The following FAAH2 variants were observed in gnomAD, a reference collection of about 807,000 sequenced individuals.
FAAH2 encodes fatty acid amide hydrolase 2.
In FAAH2, 60 loss-of-function variants were observed where a neutral mutation model predicts 36.9. That is an observed-to-expected ratio of 1.63 (90% CI 1.32 to 2.02). The LOEUF (loss-of-function observed/expected upper bound fraction) is 2.02. Among genes scored for constraint, FAAH2 ranks in the 30% most tolerant of loss-of-function variants. The pLI is 0.00. For synonymous variants in FAAH2, 214 were observed against 143.8 expected (o/e 1.49, Z -3.49); for missense variants, 689 against 397.5 (o/e 1.73, Z -6.23).
intron 3 of FAAH2, among the ~76,000 whole-genome samples, chrX:57,322,692 A>G (rs188319428): frequency 7.8e-4 from 87 of 111,508 alleles, no homozygotes; most frequent in African/African-American, 2.8e-3. Context: ...AGTTTTGTTC[A>G]TTAAAAAATT....
chrX:57,204,770 A>G, the FAAH2 span, among the ~76,000 whole-genome samples: 1 of 112,261 alleles, frequency 8.9e-6, no homozygotes, highest in Non-Finnish European at 1.9e-5. Context: ...GCTAGATTCA[A>G]TTGCATATGG....
the FAAH2 span, among the ~76,000 whole-genome samples, chrX:57,158,118 G>A: frequency 7.2e-5 from 8 of 111,307 alleles, no homozygotes; most frequent in East Asian, 2.0e-3. Context: ...CTGTCCCTGC[G>A]ATAGTTTGCT....
chrX:57,123,271 C>T, the FAAH2 span, among the ~76,000 whole-genome samples: 448 of 111,354 alleles, frequency 4.0e-3, 3 homozygotes, highest in African/African-American at 0.014. Flanking sequence ...TTTGTCCTTG[C>T]GATAGTTTGC....
intron 7 of FAAH2, 61 bp from the exon 8 acceptor site, chrX:57,431,857 T>C (rs1168994342): frequency 8.4e-6 from 8 of 950,841 alleles, no homozygotes; most frequent in South Asian, 3.3e-5. Context: ...CTGATGTCAC[T>C]CTTCAGTAGT....
intron 10 of FAAH2, among the ~76,000 whole-genome samples, chrX:57,468,061 CA>C (rs1257314730): frequency 8.9e-6 from 1 of 111,812 alleles, no homozygotes; most frequent in African/African-American, 3.2e-5. Flanking sequence ...GGAAAACTAA[CA>C]AAAAGAAAGG....
chrX:57,291,810 C>T (rs1230842988), intron 1 of FAAH2, among the ~76,000 whole-genome samples: 1 of 111,043 alleles, frequency 9.0e-6, no homozygotes, highest in Non-Finnish European at 1.9e-5. Context: ...GTAGCACCCA[C>T]CCAGGATGTT....
chrX:57,283,773 C>G (rs1460477522), upstream of FAAH2, among the ~76,000 whole-genome samples: 2 of 111,596 alleles, frequency 1.8e-5, no homozygotes, highest in Non-Finnish European at 3.8e-5. Flanking sequence ...ATTCCCTGGC[C>G]TGAATGCAGC....
At chrX:57,156,933 G>T in the FAAH2 span, among the ~76,000 whole-genome samples, 3 of 112,088 alleles carry the variant, frequency 2.7e-5, no homozygotes, top group Non-Finnish European at 5.6e-5. Flanking sequence ...TTTATTCAGT[G>T]TCCAAATACA....
At chrX:57,437,990 T>C (rs2056449368) in intron 8 of FAAH2, among the ~76,000 whole-genome samples, 3 of 104,390 alleles carry the variant, frequency 2.9e-5, no homozygotes, top group South Asian at 7.9e-4. Context: ...CATATGTACA[T>C]ATATACATAC....
At chrX:57,474,147 T>G (rs1303109647) in intron 10 of FAAH2, among the ~76,000 whole-genome samples, 1 of 112,065 alleles carries the variant, frequency 8.9e-6, no homozygotes, top group African/African-American at 3.2e-5. Flanking sequence ...TTTGTTTTCA[T>G]GTTTACAATT....
the FAAH2 span, chrX:57,137,168 T>TC: frequency 2.6e-6 from 2 of 759,101 alleles, no homozygotes; most frequent in East Asian, 1.5e-4. Flanking sequence ...TTCCTTCCCA[T>TC]CCCCCTCTCC....
chrX:57,243,831 G>A, the FAAH2 span, among the ~76,000 whole-genome samples: 1,078 of 110,408 alleles, frequency 9.8e-3, 9 homozygotes, highest in Non-Finnish European at 0.017. Context: ...AAACTAGAAG[G>A]CCTCTTCTCC....
chrX:57,216,591 T>C, the FAAH2 span, among the ~76,000 whole-genome samples: 4 of 39,792 alleles, frequency 1.0e-4, no homozygotes, highest in South Asian at 4.8e-3. Flanking sequence ...TGTATATGTA[T>C]ATATATGTAT....
At chrX:57,366,369 C>T (rs781630747) in intron 5 of FAAH2, among the ~76,000 whole-genome samples, 1 of 112,191 alleles carries the variant, frequency 8.9e-6, no homozygotes, top group South Asian at 3.7e-4. Context: ...TGGGACCTGG[C>T]CCACAGCTTT....
At chrX:57,240,867 A>G in the FAAH2 span, among the ~76,000 whole-genome samples, 1 of 112,411 alleles carries the variant, frequency 8.9e-6, no homozygotes. Context: ...GGACCCTGGG[A>G]AAGGCTGGTA....
the FAAH2 span, among the ~76,000 whole-genome samples, chrX:57,223,072 T>A: frequency 8.9e-6 from 1 of 112,359 alleles, no homozygotes; most frequent in African/African-American, 3.2e-5. Context: ...CATAGTGTAC[T>A]CACACTCGTC....
the FAAH2 span, among the ~76,000 whole-genome samples, chrX:57,165,051 T>A: frequency 8.9e-6 from 1 of 112,103 alleles, no homozygotes; most frequent in Non-Finnish European, 1.9e-5. Context: ...GGCCATACTA[T>A]GAGGATGTGG....
At chrX:57,462,765 C>A (rs1044121578) in intron 10 of FAAH2, among the ~76,000 whole-genome samples, 1 of 112,539 alleles carries the variant, frequency 8.9e-6, no homozygotes, top group African/African-American at 3.2e-5. Context: ...AGGATGCCGT[C>A]TCTCACCATT....
At chrX:57,146,564 C>T in the FAAH2 span, among the ~76,000 whole-genome samples, 1 of 111,801 alleles carries the variant, frequency 8.9e-6, no homozygotes, top group Admixed American at 9.5e-5. Flanking sequence ...ATTTCTTTGT[C>T]TTGTCTGATT....
Sources: gnomAD v4.1 joint callset for allele counts (sites outside exome capture counted in the v4.1 genomes callset) on GRCh38, gnomAD v4.1.1 for gene constraint, MANE v1.5 for transcripts, NCBI Gene and HGNC (gene_info 2026-07-23, HGNC 2026-07-21) for gene names.